Variants in SDK1 observed in about 807,000 individuals in gnomAD.
SDK1 encodes sidekick cell adhesion molecule 1.
In SDK1, 157 loss-of-function variants were observed where a neutral mutation model predicts 245.5. The observed-to-expected ratio is 0.64, with a 90% confidence interval of 0.56 to 0.73. The LOEUF (loss-of-function observed/expected upper bound fraction) is 0.73. Among genes scored for constraint, SDK1 ranks in the 30% least tolerant of loss-of-function variants. SDK1 has a pLI of 0.00. For synonymous variants in SDK1, 1,647 were observed against 1,278.5 expected, an observed-to-expected ratio of 1.29 and a Z score of -6.15; for missense variants, 3,583 against 3,002.3, an observed-to-expected ratio of 1.19 and a Z score of -4.52.
intron 18 of SDK1, among the ~76,000 whole-genome samples, chr7:4,050,473 GC>G (rs1789368163): frequency 6.6e-6 from 1 of 152,172 alleles, no homozygotes; most frequent in Non-Finnish European, 1.5e-5. Context: ...TGATGACTTC[GC>G]TGTCAGTTTG....
At chr7:3,442,720 GAT>G (rs1024601150) in intron 1 of SDK1, among the ~76,000 whole-genome samples, 9 of 152,136 alleles carry the variant, frequency 5.9e-5, no homozygotes, top group Non-Finnish European at 1.2e-4. Flanking sequence ...TAGTGCACTT[GAT>G]ATGTTTTGTT....
intron 1 of SDK1, among the ~76,000 whole-genome samples, chr7:3,385,996 G>C (rs1781601174): frequency 6.6e-6 from 1 of 151,916 alleles, no homozygotes; most frequent in Non-Finnish European, 1.5e-5. Flanking sequence ...CCACATGAGG[G>C]AAGCTGTGGT....
At chr7:3,738,172 C>T (rs547026921) in intron 4 of SDK1, among the ~76,000 whole-genome samples, 1 of 152,152 alleles carries the variant, frequency 6.6e-6, no homozygotes, top group Non-Finnish European at 1.5e-5. Flanking sequence ...TAAGTGCTTT[C>T]AATTTTAGGT....
At chr7:3,727,339 C>T (rs947896303) in intron 4 of SDK1, among the ~76,000 whole-genome samples, 1 of 152,182 alleles carries the variant, frequency 6.6e-6, no homozygotes, top group African/African-American at 2.4e-5. Flanking sequence ...GAAGTGGTTT[C>T]ATTCCATTGC....
intron 1 of SDK1, among the ~76,000 whole-genome samples, chr7:3,328,659 A>G (rs553204801): frequency 5.9e-5 from 9 of 152,138 alleles, no homozygotes; most frequent in African/African-American, 2.2e-4. Flanking sequence ...ATGTTAGTAT[A>G]TATTTCAAAA....
At chr7:4,141,599 G>A (rs1386393531) in intron 28 of SDK1, among the ~76,000 whole-genome samples, 5 of 152,204 alleles carry the variant, frequency 3.3e-5, no homozygotes, top group Non-Finnish European at 7.3e-5. Context: ...ATTAAGTAAT[G>A]AATCAAGGGA....
chr7:3,585,794 A>C (rs1780667537), intron 1 of SDK1, among the ~76,000 whole-genome samples: 1 of 152,174 alleles, frequency 6.6e-6, no homozygotes, highest in African/African-American at 2.4e-5. Context: ...CAGGTGTGCC[A>C]CTTTTGCCTC....
rs115946321 is a variant in SDK1, at chr7:3,718,210, C to G, written c.713+76105C>G. 1.1e-3 allele frequency among the ~76,000 whole-genome samples: 173 copies of G among 152,172 alleles called. 1 individual carries two copies. The highest frequency in any genetic ancestry group is 4.0e-3 in the African/African-American group (168 of 41,516). The stretch of plus-strand genomic sequence containing the variant: ...CACAGAAAAAGCGTTTGATAAAATC[C>G]AACACTCAGCTGGTTGCGGTGGCTC... On this transcript the variant is annotated intron_variant, in intron 4 of 44. Coordinates refer to ENST00000404826, the MANE Select transcript of SDK1 (RefSeq NM_152744.4).
rs115074375 is a variant in SDK1, at chr7:3,460,995, T to C, written c.299-158085T>C. Among the ~76,000 whole-genome samples the C allele has an allele frequency of 1.3e-3, 191 of 152,330 alleles. 4 individuals are homozygous for C. Among genetic ancestry groups the C allele is most frequent in the African/African-American group, 4.4e-3 (185 of 41,584 alleles). On this transcript the variant is annotated intron_variant, in intron 1 of 44. Coordinates refer to ENST00000404826, the MANE Select transcript of SDK1 (RefSeq NM_152744.4). ...TAAATCACAGCCAACTTGAGGACCATACATATCTGACTTGGAAATTTGCTA... is the reference window on the plus strand; with the variant it reads ...TAAATCACAGCCAACTTGAGGACCACACATATCTGACTTGGAAATTTGCTA...
At chr7:3,440,928 A>G (rs1022594844) in intron 1 of SDK1, among the ~76,000 whole-genome samples, 4 of 152,202 alleles carry the variant, frequency 2.6e-5, no homozygotes, top group African/African-American at 9.6e-5. Context: ...TTCAGCCTAT[A>G]TGACGACTTG....
intron 1 of SDK1, among the ~76,000 whole-genome samples, chr7:3,513,057 C>T (rs1265685437): frequency 1.3e-5 from 2 of 152,136 alleles, no homozygotes; most frequent in African/African-American, 4.8e-5. Flanking sequence ...GTTTGGAGAA[C>T]AGAGACATTT....
At chr7:4,230,828 A>T (rs661084) in intron 40 of SDK1, among the ~76,000 whole-genome samples, 3 of 151,886 alleles carry the variant, frequency 2.0e-5, no homozygotes, top group Admixed American at 6.5e-5. Flanking sequence ...GGTGGGGTCA[A>T]GGTTGACCTC....
chr7:3,968,915 G>A (rs1023827671), intron 10 of SDK1, among the ~76,000 whole-genome samples: 1 of 152,188 alleles, frequency 6.6e-6, no homozygotes, highest in African/African-American at 2.4e-5. Flanking sequence ...TGCATAGCTG[G>A]GGAGGCCTCA....
chr7:3,398,741 G>C (rs546710749), intron 1 of SDK1, among the ~76,000 whole-genome samples: 58 of 148,474 alleles, frequency 3.9e-4, no homozygotes, highest in African/African-American at 1.3e-3. Flanking sequence ...GAAAGTGTAT[G>C]GGTCCCCTAA....
Position 3,619,306 on chromosome 7 carries a change from G to T in SDK1, c.458+67G>T. On this transcript the variant is annotated intron_variant, in intron 2 of 44. Coordinates refer to ENST00000404826, the MANE Select transcript of SDK1 (RefSeq NM_152744.4). ...TGTGTTTGGAATACTTGCCTTACTG[G>T]TCATAATAGCACAATGAGTGAAAAT... 10 of 1,358,148 alleles carry T rather than the reference G, an allele frequency of 7.4e-6. 1 individual carries two copies. In the South Asian group the frequency reaches 1.0e-4, roughly 14 times the overall value. 84.1% of individuals were successfully genotyped at this position (1,358,148 alleles called of 1,614,324 possible).
chr7:4,032,659 C>T lies in SDK1; in HGVS notation c.2602+15307C>T, dbSNP rs118130519. 6.7e-4 allele frequency among the ~76,000 whole-genome samples: 102 copies of T among 152,218 alleles called. 1 individual carries two copies. The East Asian group carries it at 0.015, about 22-fold the overall frequency. On this transcript the variant is annotated intron_variant, in intron 17 of 44. Coordinates refer to ENST00000404826, the MANE Select transcript of SDK1 (RefSeq NM_152744.4). ...ATAAAATCAGCATGAAAAAACAAAC[C>T]GACTTCATATGCACAAGCAAAACAT...
chr7:3,860,958 A>G (rs993478066), intron 5 of SDK1, among the ~76,000 whole-genome samples: 1 of 152,098 alleles, frequency 6.6e-6, no homozygotes, highest in South Asian at 2.1e-4. Context: ...CTCACATCCA[A>G]GGTTACCGGG....
chr7:3,748,856 A>G (rs540962802), intron 4 of SDK1, among the ~76,000 whole-genome samples: 1 of 152,298 alleles, frequency 6.6e-6, no homozygotes, highest in South Asian at 2.1e-4. Flanking sequence ...AGATTACAGC[A>G]TCACCGTTGT....
chr7:4,104,198 T>G (rs1782760602), intron 22 of SDK1, among the ~76,000 whole-genome samples: 1 of 152,224 alleles, frequency 6.6e-6, no homozygotes, highest in African/African-American at 2.4e-5. Flanking sequence ...TAGCTGGGAC[T>G]ACAGGCATGC....
Sources: allele counts gnomAD v4.1 joint callset (sites outside exome capture counted in the v4.1 genomes callset), GRCh38; gene constraint gnomAD v4.1.1; transcripts MANE v1.5; gene names NCBI Gene and HGNC (gene_info 2026-07-23, HGNC 2026-07-21).